The following CPS1 variants were observed in gnomAD, a reference collection of about 807,000 sequenced individuals.
The protein encoded by CPS1 is carbamoyl-phosphate synthase 1.
Under a neutral mutation model 174.6 loss-of-function variants are expected in CPS1, and 109 were observed. The ratio of observed to expected loss-of-function variants is 0.62; its 90% confidence interval spans 0.53 to 0.73. The LOEUF (loss-of-function observed/expected upper bound fraction) is 0.73. Ranked by LOEUF, CPS1 falls within the 30% of genes least tolerant of loss-of-function variation. The pLI is 0.00. For synonymous variants in CPS1, 637 were observed against 632.0 expected (o/e 1.01, Z -0.12); for missense variants, 1,689 against 1,821.9 (o/e 0.93, Z 1.33).
chr2:210,656,460 G>A, intron 29 of CPS1, 65 bp from the exon 30 acceptor site: 1 of 1,136,390 alleles, frequency 8.8e-7, no homozygotes, highest in Non-Finnish European at 1.3e-6. Flanking sequence ...GGATGAGGGA[G>A]TAGCTTCCTT....
At chr2:210,575,274 G>A (rs554085522) in intron 2 of CPS1, among the ~76,000 whole-genome samples, 38 of 152,130 alleles carry the variant, frequency 2.5e-4, no homozygotes, top group African/African-American at 6.5e-4. Flanking sequence ...TTTCAAAGTC[G>A]TTGATTCTGT....
intron 1 of CPS1, among the ~76,000 whole-genome samples, chr2:210,564,667 C>A (rs1027029264): frequency 6.6e-6 from 1 of 151,964 alleles, no homozygotes; most frequent in Non-Finnish European, 1.5e-5. Flanking sequence ...TGAGCCACCG[C>A]GCCCGGCCTA....
chr2:210,510,185 A>G (rs1348914347), intron 1 of CPS1, among the ~76,000 whole-genome samples: 1 of 152,212 alleles, frequency 6.6e-6, no homozygotes, highest in African/African-American at 2.4e-5. Flanking sequence ...AGAGATCTAG[A>G]CCAATGGAAC....
At chr2:210,524,873 A>G (rs1401305884) in intron 1 of CPS1, among the ~76,000 whole-genome samples, 1 of 151,970 alleles carries the variant, frequency 6.6e-6, no homozygotes, top group Non-Finnish European at 1.5e-5. Flanking sequence ...TTCTTGTTTA[A>G]GTTGCTGAAT....
At chr2:210,482,469 A>AT (rs1392079427) in intron 1 of CPS1, among the ~76,000 whole-genome samples, 24 of 151,738 alleles carry the variant, frequency 1.6e-4, no homozygotes, top group Non-Finnish European at 2.8e-4. Context: ...CGCCTGGCTA[A>AT]TTTTTTGTAT....
upstream of CPS1, among the ~76,000 whole-genome samples, chr2:210,552,832 T>C (rs1354455283): frequency 6.6e-6 from 1 of 152,030 alleles, no homozygotes. Context: ...CAGTAGTTGA[T>C]AAAAGAATAG....
chr2:210,616,722 C>T (rs1699324531), intron 21 of CPS1, among the ~76,000 whole-genome samples, 181 bp downstream of exon 21: 1 of 151,046 alleles, frequency 6.6e-6, no homozygotes, highest in Non-Finnish European at 1.5e-5. Context: ...TAGATGTTTA[C>T]CTTTAGAAAT....
At chr2:210,558,219 A>G (rs1271155641) in intron 1 of CPS1, among the ~76,000 whole-genome samples, 2 of 152,084 alleles carry the variant, frequency 1.3e-5, no homozygotes, top group Non-Finnish European at 2.9e-5. Flanking sequence ...ATGTTGTTAC[A>G]TATTCCAATG....
intron 31 of CPS1, among the ~76,000 whole-genome samples, chr2:210,659,310 T>G (rs1700834584): frequency 6.6e-6 from 1 of 151,588 alleles, no homozygotes; most frequent in African/African-American, 2.4e-5. Context: ...GGCAAGGGAG[T>G]GGGCAGGTGC....
intron 1 of CPS1, among the ~76,000 whole-genome samples, chr2:210,502,811 T>A (rs1269049154): frequency 6.6e-6 from 1 of 152,102 alleles, no homozygotes; most frequent in Non-Finnish European, 1.5e-5. Flanking sequence ...CTCCCAGTAA[T>A]GCAACAAAAA....
chr2:210,560,381 C>T (rs1017746739), intron 1 of CPS1, among the ~76,000 whole-genome samples: 1 of 152,002 alleles, frequency 6.6e-6, no homozygotes, highest in African/African-American at 2.4e-5. Flanking sequence ...GGAAAGTCAT[C>T]AAAGCTAAAT....
At chr2:210,670,259 A>C (rs984120019) in intron 34 of CPS1, among the ~76,000 whole-genome samples, 1 of 152,160 alleles carries the variant, frequency 6.6e-6, no homozygotes, top group African/African-American at 2.4e-5. Context: ...ATACTTAAGA[A>C]AATATTTACA....
rs190017924 is a variant in CPS1, at chr2:210,625,110, T to C, written c.2687+8569T>C. Among the ~76,000 whole-genome samples the C allele has an allele frequency of 1.7e-3, 263 of 152,170 alleles. 2 individuals carry two copies. Among genetic ancestry groups the C allele is most frequent in the African/African-American group, 6.0e-3 (250 of 41,564 alleles). ...TGTTCTTCTATTCAGTCATTATGTA[T>C]TGGGTACCTACTATGTGTAAGGTTT... On this transcript the variant is annotated intron_variant, in intron 21 of 37. Transcript: ENST00000233072.
At chr2:210,552,607 A>T (rs943960520), upstream of CPS1, among the ~76,000 whole-genome samples, 2 of 152,044 alleles carry the variant, frequency 1.3e-5, no homozygotes, top group East Asian at 3.9e-4. Context: ...TAAGACCTTT[A>T]TTCTCTAAGA....
chr2:210,636,584 G>GA (rs1553516050), intron 21 of CPS1, among the ~76,000 whole-genome samples: 1 of 152,004 alleles, frequency 6.6e-6, no homozygotes, highest in Non-Finnish European at 1.5e-5. Context: ...AATCCAGCAG[G>GA]AAAAAGCCTG....
In CPS1 at chr2:210,648,605, G is replaced by A. The variant is rs1700460604; in HGVS notation, c.3404+65G>A. 4.8e-5 allele frequency: 59 copies of A among 1,220,796 alleles called. No homozygotes were observed. The South Asian group carries it at 6.6e-4, about 14-fold the overall frequency. The allele number at this position is 1,220,796 out of a possible 1,614,324, so 75.6% of individuals were successfully genotyped here. A position where few individuals can be genotyped will look rare whatever the true frequency, so the allele number is the denominator to read the frequency against. ...ATTGGGAGATACAGAAATGCATGCT[G>A]TATGCTAATAGCACTAGGGTTCTAT... On this transcript the variant is annotated intron_variant, in intron 27 of 37. Coordinates refer to ENST00000233072, the MANE Select transcript of CPS1 (RefSeq NM_001875.5).
chr2:210,648,350 C>T, intron 26 of CPS1, 123 bp from the exon 27 acceptor site: 1 of 801,942 alleles, frequency 1.2e-6, no homozygotes, highest in South Asian at 1.7e-5. Context: ...GTCCAATTTA[C>T]ATTTAATGGT....
intron 30 of CPS1, among the ~76,000 whole-genome samples, chr2:210,657,126 C>A (rs1249494668): frequency 6.6e-6 from 1 of 152,082 alleles, no homozygotes; most frequent in African/African-American, 2.4e-5. Flanking sequence ...AGGTGTGGAC[C>A]AGTCACTTGA....
chr2:210,592,832 C>T, intron 10 of CPS1, 47 bp from the exon 11 acceptor site: 1 of 1,516,560 alleles, frequency 6.6e-7, no homozygotes, highest in Non-Finnish European at 9.2e-7. Context: ...CCACACTTGA[C>T]ATTCATTGTT....
Sources: allele counts gnomAD v4.1 joint callset (sites outside exome capture counted in the v4.1 genomes callset), GRCh38; gene constraint gnomAD v4.1.1; transcripts MANE v1.5; gene names NCBI Gene and HGNC (gene_info 2026-07-23, HGNC 2026-07-21).